CELSR3: variants seen among roughly 807,000 people sequenced by gnomAD.
CELSR3 encodes EGF-like protein 1.
CELSR3 carries 73 observed loss-of-function variants against 270.0 expected under a neutral mutation model. That is an observed-to-expected ratio of 0.27 (90% CI 0.22 to 0.33). The LOEUF (loss-of-function observed/expected upper bound fraction) is 0.33. Ranked by LOEUF, CELSR3 falls within the 10% of genes least tolerant of loss-of-function variation. CELSR3 has a pLI of 1.00. For synonymous variants in CELSR3, 1,780 were observed against 1,905.4 expected, an observed-to-expected ratio of 0.93 and a Z score of 1.71; for missense variants, 3,614 against 4,533.8, an observed-to-expected ratio of 0.80 and a Z score of 5.83.
intron 28 of CELSR3, chr3:48,643,307 G>C: frequency 1.6e-6 from 1 of 635,034 alleles, no homozygotes; most frequent in Non-Finnish European, 2.7e-6. Context: ...AAGGGGTCGG[G>C]AGCCTTGGTG....
Position 48,654,256 on chromosome 3 carries a change from C to T in CELSR3, c.5152+33G>A. 6.2e-7 allele frequency: 1 copy of T among 1,613,018 alleles called. No individual in the cohort carries two copies. The highest frequency in any genetic ancestry group is 8.5e-7 in the Non-Finnish European group (1 of 1,179,764). ...TTCCTCCCTATGATGGGGACAGGGC[C>T]ATGGGCTAGGCTGGTGGAAGCTTCA... is the stretch of plus-strand genomic sequence containing the variant. On this transcript the variant is annotated intron_variant, in intron 7 of 34. Transcript: ENST00000164024. The surrounding 1 kb of genome is among the most constrained non-coding windows in gnomAD (Gnocchi z 5.4).
Position 48,661,444 on chromosome 3 carries a change from C to T in CELSR3, c.1191G>A (p.Glu397=), listed in dbSNP as rs2077065514. 3 of 1,610,004 alleles carry T rather than the reference C, an allele frequency of 1.9e-6. No homozygotes were observed. In the South Asian group the frequency reaches 3.3e-5, roughly 18 times the overall value. The change falls in exon 1 of 35, where the codon GAG becomes GAA. Residue 397 remains glutamate (E), a synonymous_variant. Transcript: ENST00000164024. ...TAAALDRESM[E]RHYLRVTAQD... ...GCGCGGTCACACGCAGGTAGTGACG[C>T]TCCATGCTCTCGCGGTCCAGAGCTG...
At position 48,650,797 on chromosome 3, in the gene CELSR3, C is replaced by T. The variant is rs942648580; in HGVS notation, c.6370+95G>A. ...AAGTGGTCTCCCTCAGGAGAAGCTT[C>T]CAGAGTCCCCAAGGAGCCATGTGTG... is the stretch of plus-strand genomic sequence containing the variant. On this transcript the variant is annotated intron_variant, in intron 15 of 34. Coordinates refer to ENST00000164024, the MANE Select transcript of CELSR3 (RefSeq NM_001407.3). The surrounding 1 kb of genome is among the most constrained non-coding windows in gnomAD (Gnocchi z 5.1). 7.2e-7 allele frequency: 1 copy of T among 1,392,458 alleles called. No individual in the cohort carries two copies. The highest frequency in any genetic ancestry group is 9.8e-7 in the Non-Finnish European group (1 of 1,021,934). The allele number at this position is 1,392,458 out of a possible 1,614,324, so 86.3% of individuals were successfully genotyped here.
rs780427021 is a variant in CELSR3, at chr3:48,652,390, A to G, written c.5751+47T>C. On this transcript the variant is annotated intron_variant, in intron 11 of 34. Coordinates refer to ENST00000164024, the MANE Select transcript of CELSR3 (RefSeq NM_001407.3). The surrounding 1 kb of genome is among the most constrained non-coding windows in gnomAD (Gnocchi z 4.3). ...GGTCCCAAGGAGCCCCTGACTTCTG[A>G]CCCCTGACCCTAATGCCCCATATCA... 4.8e-6 allele frequency: 7 copies of G among 1,456,112 alleles called. No homozygotes were observed. Among genetic ancestry groups the G allele is most frequent in the Non-Finnish European group, 6.7e-6 (7 of 1,037,174 alleles). 90.2% of individuals were successfully genotyped at this position (1,456,112 alleles called of 1,614,324 possible). A position where few individuals can be genotyped will look rare whatever the true frequency, so the allele number is the denominator to read the frequency against.
At chr3:48,656,006 A>T in intron 3 of CELSR3, 134 bp downstream of exon 3, 3 of 1,158,030 alleles carry the variant, frequency 2.6e-6, no homozygotes, top group Non-Finnish European at 3.7e-6. Context: ...CAGCGAGGTC[A>T]GGAGACCCCG....
In CELSR3 at chr3:48,650,433, A is replaced by AGGGGGGGGGGGCGGGGGGGGGGGGGGGG; in HGVS notation, c.6472+46_6472+47insCCCCCCCCCCCCCCCCGCCCCCCCCCCC. On this transcript the variant is annotated intron_variant, in intron 16 of 34. Transcript: ENST00000164024. This position sits in a 1 kb window ranked among gnomAD's most constrained non-coding sequence, Gnocchi z 5.1. The stretch of plus-strand genomic sequence containing the variant: ...GACATGGCTCTAGCAGTCAGAGTAC[A>AGGGGGGGGGGGCGGGGGGGGGGGGGGGG]GGCCCACCCCCACCCTCAGTGATGT... 1 of 927,818 alleles carries AGGGGGGGGGGGCGGGGGGGGGGGGGGGG rather than the reference A, an allele frequency of 1.1e-6. No homozygotes were observed. Among genetic ancestry groups the AGGGGGGGGGGGCGGGGGGGGGGGGGGGG allele is most frequent in the Non-Finnish European group, 1.7e-6 (1 of 598,394 alleles). The allele number at this position is 927,818 out of a possible 1,614,324, so 57.5% of individuals were successfully genotyped here.
chr3:48,656,571 T>C, intron 2 of CELSR3, 127 bp downstream of exon 2: 2 of 1,307,622 alleles, frequency 1.5e-6, no homozygotes, highest in East Asian at 2.8e-5. Flanking sequence ...GCTCTACGGC[T>C]TCTGGCCTAA....
Position 48,661,111 on chromosome 3 carries a change from G to T in CELSR3, c.1524C>A (p.Ser508Arg), listed in dbSNP as rs752662158. 6.2e-7 allele frequency: 1 copy of T among 1,612,798 alleles called. No individual in the cohort carries two copies. Among genetic ancestry groups the T allele is most frequent in the Admixed American group, 1.7e-5 (1 of 59,914 alleles). The change falls in exon 1 of 35, where the codon AGC (serine) becomes AGA (arginine). Residue 508 changes from serine (S) to arginine (R), a missense_variant. Ser to Arg is a moderately radical substitution (Grantham distance 110, BLOSUM62 -1). Around this residue, in one of 7 missense-constraint regions of CELSR3, gnomAD observed 354 missense variants for 500.9 expected, o/e 0.71. Coordinates refer to ENST00000164024, the MANE Select transcript of CELSR3 (RefSeq NM_001407.3). ...CGCTGGCTTCCACCACCAGCTCATA[G>T]CTTTCCATGTGCTCGCGGTCCACTC... ...SGRVDREHME[S>R]YELVVEASDQ...
At position 48,661,291 on chromosome 3, in the gene CELSR3, C is replaced by G; in HGVS notation, c.1344G>C (p.Glu448Asp). The change falls in exon 1 of 35, where the codon GAG becomes GAC. Residue 448 changes from glutamate to aspartate, a missense_variant. Transcript: ENST00000164024. Reference protein sequence around the residue: ...YRETLRENVEEGYPILQLRAT... With the variant: ...YRETLRENVEDGYPILQLRAT... ...CACGCAGCTGCAGGATAGGGTAGCCCTCCTCCACATTCTCGCGAAGGGTCT... is the reference window on the plus strand; with the variant it reads ...CACGCAGCTGCAGGATAGGGTAGCCGTCCTCCACATTCTCGCGAAGGGTCT... 6.2e-7 allele frequency: 1 copy of G among 1,613,410 alleles called. No individual in the cohort carries two copies. Among genetic ancestry groups the G allele is most frequent in the Non-Finnish European group, 8.5e-7 (1 of 1,179,770 alleles).
chr3:48,640,458 G>A lies in CELSR3; in HGVS notation c.9127C>T (p.Pro3043Ser). 1 of 1,612,524 alleles carries A rather than the reference G, an allele frequency of 6.2e-7. No homozygotes were observed. Among genetic ancestry groups the A allele is most frequent in the Admixed American group, 1.7e-5 (1 of 60,020 alleles). ...TAGATGCGACCGTAAGAGGCAGCTG[G>A]CACAGCACGGTGGCCCAAGGTGGCT... ...RAATLGHRAV[P>S]AASYGRIYAG... The change falls in exon 34 of 35, where the codon CCA becomes TCA. Residue 3043 changes from proline (P) to serine (S), a missense_variant. By Grantham distance (74) the Pro-to-Ser change is moderately conservative. Transcript: ENST00000164024. The surrounding 1 kb of genome is among the most constrained non-coding windows in gnomAD (Gnocchi z 7.5).
chr3:48,648,469 G>T lies in CELSR3; in HGVS notation c.6778-8C>A. On this transcript the variant is annotated splice_polypyrimidine_tract_variant and splice_region_variant and intron_variant, in intron 18 of 34. Coordinates refer to ENST00000164024, the MANE Select transcript of CELSR3 (RefSeq NM_001407.3). ...GCCGGCCCACAGCAGATTCTGGGAA[G>T]ACAGAGATAGAATTGGGTTCAGCCA... The T allele has an allele frequency of 6.5e-7, 1 of 1,531,952 alleles. No homozygotes were observed. The highest frequency in any genetic ancestry group is 8.8e-7 in the Non-Finnish European group (1 of 1,142,250). 94.9% of individuals were successfully genotyped at this position (1,531,952 alleles called of 1,614,324 possible). A position where few individuals can be genotyped will look rare whatever the true frequency, so the allele number is the denominator to read the frequency against.
chr3:48,657,997 T>C lies in CELSR3; in HGVS notation c.3749-649A>G, dbSNP rs866045152. On this transcript the variant is annotated intron_variant, in intron 1 of 34. Transcript: ENST00000164024. This position sits in a 1 kb window ranked among gnomAD's most constrained non-coding sequence, Gnocchi z 5.4. ...ACACACACACACACACACACCAGCATTCTTGAGTTAGCAGCCTGCTCGCCA... is the reference window on the plus strand; with the variant it reads ...ACACACACACACACACACACCAGCACTCTTGAGTTAGCAGCCTGCTCGCCA... 2.0e-5 allele frequency among the ~76,000 whole-genome samples: 3 copies of C among 152,066 alleles called. No homozygotes were observed. Among genetic ancestry groups the C allele is most frequent in the African/African-American group, 7.2e-5 (3 of 41,390 alleles).
Position 48,642,853 on chromosome 3 carries a change from A to T in CELSR3, c.8438T>A (p.Phe2813Tyr), listed in dbSNP as rs2047041762. 1 of 1,613,198 alleles carries T rather than the reference A, an allele frequency of 6.2e-7. No homozygotes were observed. The highest frequency in any genetic ancestry group is 2.2e-5 in the East Asian group (1 of 44,872). ...GPGAYNNTAL[F>Y]EESGLIRITL... is the part of the protein sequence containing the mutation. ...GATGCGGATGAGGCCACTCTCCTCAAAGAGAGCCGTGTTGTTGTAGGCCCC... is the reference window on the plus strand; with the variant it reads ...GATGCGGATGAGGCCACTCTCCTCATAGAGAGCCGTGTTGTTGTAGGCCCC... The change falls in exon 30 of 35, where the codon TTT (phenylalanine) becomes TAT (tyrosine). Residue 2813 changes from phenylalanine (F) to tyrosine (Y), a missense_variant. By Grantham distance (22) the Phe-to-Tyr change is conservative (BLOSUM62 3). This residue lies in a region of CELSR3 where 1,240 missense variants were observed against 1,351.7 expected (regional missense o/e 0.92). Transcript: ENST00000164024. This position sits in a 1 kb window ranked among gnomAD's most constrained non-coding sequence, Gnocchi z 6.1.
chr3:48,646,602 A>C lies in CELSR3; in HGVS notation c.7295+161T>G, dbSNP rs1328852264. 6.6e-6 allele frequency among the ~76,000 whole-genome samples: 1 copy of C among 152,152 alleles called. No individual in the cohort carries two copies. The highest frequency in any genetic ancestry group is 1.5e-5 in the Non-Finnish European group (1 of 68,030). On this transcript the variant is annotated intron_variant, in intron 21 of 34. Coordinates refer to ENST00000164024, the MANE Select transcript of CELSR3 (RefSeq NM_001407.3). The surrounding 1 kb of genome is among the most constrained non-coding windows in gnomAD (Gnocchi z 4.8). Reference sequence around the variant, plus strand: ...TCAGCCTGTGGCTCTGTCACTCTGCACAACTCCAGAGAATAAGATTCACAC... The same window carrying C: ...TCAGCCTGTGGCTCTGTCACTCTGCCCAACTCCAGAGAATAAGATTCACAC...
Position 48,642,494 on chromosome 3 carries a change from T to C in CELSR3, c.8556-27A>G, listed in dbSNP as rs371131059. On this transcript the variant is annotated intron_variant, in intron 30 of 34. Coordinates refer to ENST00000164024, the MANE Select transcript of CELSR3 (RefSeq NM_001407.3). The surrounding 1 kb of genome is among the most constrained non-coding windows in gnomAD (Gnocchi z 6.1). Reference sequence around the variant, plus strand: ...TGGAAAAGCAGGAGCCCCCCCACCATGAAAGAGGGATGTGATGGGGTGCCT... The same window carrying C: ...TGGAAAAGCAGGAGCCCCCCCACCACGAAAGAGGGATGTGATGGGGTGCCT... The C allele has an allele frequency of 4.0e-4, 646 of 1,603,450 alleles. No homozygotes were observed. The highest frequency in any genetic ancestry group is 5.2e-4 in the Non-Finnish European group (610 of 1,174,420).
Position 48,662,442 on chromosome 3 carries a change from G to A in CELSR3, c.193C>T (p.Pro65Ser), listed in dbSNP as rs746836345. 2 of 1,612,790 alleles carry A rather than the reference G, an allele frequency of 1.2e-6. No homozygotes were observed. The highest frequency in any genetic ancestry group is 3.3e-5 in the Admixed American group (2 of 60,008). The change falls in exon 1 of 35, where the codon CCG (proline) becomes TCG (serine). Residue 65 changes from proline (P) to serine (S), a missense_variant. Physicochemically the swap from Pro to Ser is moderately conservative, Grantham distance 74. Transcript: ENST00000164024. The surrounding 1 kb of genome is among the most constrained non-coding windows in gnomAD (Gnocchi z 7.1). ...TCCTCCCGGACCCCGGAAGACTCCG[G>A]ACAAAGAGCTAAGGCTCCGCCACCG... ...HIGGGALALCPESSGVREDGG... is the reference protein window; with the variant it reads ...HIGGGALALCSESSGVREDGG...
Position 48,640,715 on chromosome 3 carries a change from C to T in CELSR3, c.9026-156G>A. The T allele has an allele frequency of 6.6e-6, 5 of 759,932 alleles. No homozygotes were observed. The highest frequency in any genetic ancestry group is 3.9e-5 in the South Asian group (2 of 51,666). 47.1% of individuals were successfully genotyped at this position (759,932 alleles called of 1,614,324 possible). A position where few individuals can be genotyped will look rare whatever the true frequency, so the allele number is the denominator to read the frequency against. On this transcript the variant is annotated intron_variant, in intron 33 of 34. Transcript: ENST00000164024. The surrounding 1 kb of genome is among the most constrained non-coding windows in gnomAD (Gnocchi z 7.5). ...GAGCAGCAGAGGCAACCCTGGTGGT[C>T]CCAGAGAGGCAGCAGGACAGGGGTC...
rs1466218111 is a variant in CELSR3 at position 48,646,039 on chromosome 3, G to A, written c.7463+51C>T. The A allele has an allele frequency of 1.3e-6, 2 of 1,599,530 alleles. No homozygotes were observed. The highest frequency in any genetic ancestry group is 2.2e-5 in the East Asian group (1 of 44,596). ...CAGGGGAAGGCTGGGACTATTAGTT[G>A]GCCTCCCAAGGGCTAACGGGACCAA... On this transcript the variant is annotated intron_variant, in intron 22 of 34. Coordinates refer to ENST00000164024, the MANE Select transcript of CELSR3 (RefSeq NM_001407.3). The surrounding 1 kb of genome is among the most constrained non-coding windows in gnomAD (Gnocchi z 4.8).
chr3:48,659,231 C>T lies in CELSR3; in HGVS notation c.3404G>A (p.Arg1135His), dbSNP rs780257011. Residue 1135 changes from arginine to histidine, a missense_variant, in exon 1 of 35, where the codon CGC (arginine) becomes CAC (histidine). Physicochemically the swap from Arg to His is conservative, Grantham distance 29. This residue lies in a region of CELSR3 where 1,331 missense variants were observed against 1,933.7 expected (regional missense o/e 0.69). Transcript: ENST00000164024. This position sits in a 1 kb window ranked among gnomAD's most constrained non-coding sequence, Gnocchi z 8.1. Reference sequence around the variant, plus strand: ...CTGCACCACAATCACATATTCTTGGCGAGCCTCATAGTCTAGGTCAATGAG... The same window carrying T: ...CTGCACCACAATCACATATTCTTGGTGAGCCTCATAGTCTAGGTCAATGAG... ...TALIDLDYEA[R>H]QEYVIVVQAT... 70 of 1,614,032 alleles carry T rather than the reference C, an allele frequency of 4.3e-5. No individual in the cohort carries two copies. Among genetic ancestry groups the T allele is most frequent in the East Asian group, 6.7e-5 (3 of 44,900 alleles).
Sources: allele counts gnomAD v4.1 joint callset (sites outside exome capture counted in the v4.1 genomes callset), GRCh38; gene constraint gnomAD v4.1.1; regional missense constraint gnomAD v4.1.1; non-coding constraint Gnocchi (gnomAD v3.1); transcripts MANE v1.5; gene names NCBI Gene and HGNC (gene_info 2026-07-23, HGNC 2026-07-21).